The following SRGAP3 variants were observed in gnomAD, a reference collection of about 807,000 sequenced individuals.
The protein encoded by SRGAP3 is SLIT-ROBO Rho GTPase-activating protein 3.
In SRGAP3, 39 loss-of-function variants were observed where a neutral mutation model predicts 121.1. That is an observed-to-expected ratio of 0.32 (90% CI 0.25 to 0.42). The LOEUF (loss-of-function observed/expected upper bound fraction) is 0.42. Ranked by LOEUF, SRGAP3 falls within the 10% of genes least tolerant of loss-of-function variation. SRGAP3 has a pLI of 1.00. For synonymous variants in SRGAP3, 601 were observed against 570.0 expected, an observed-to-expected ratio of 1.05 and a Z score of -0.77; for missense variants, 1,213 against 1,470.6, an observed-to-expected ratio of 0.82 and a Z score of 2.86.
chr3:9,026,728 G>T (rs1184547321), intron 13 of SRGAP3, among the ~76,000 whole-genome samples: 1 of 152,112 alleles, frequency 6.6e-6, no homozygotes, highest in Non-Finnish European at 1.5e-5. Context: ...CTAGGTCTTG[G>T]ATCCTCTCAC....
At chr3:9,334,284 C>T (rs992901683) in intron 1 of SRGAP3, among the ~76,000 whole-genome samples, 9 of 152,056 alleles carry the variant, frequency 5.9e-5, no homozygotes, top group African/African-American at 2.2e-4. Context: ...ATTCAATCAT[C>T]ATTTATTCAG....
chr3:9,186,513 G>A (rs1280938311), intron 1 of SRGAP3, among the ~76,000 whole-genome samples: 4 of 152,134 alleles, frequency 2.6e-5, no homozygotes, highest in African/African-American at 9.7e-5. Flanking sequence ...CACATGCTAA[G>A]GACTACCATA....
chr3:9,362,065 T>C (rs919410335), intron 1 of SRGAP3, among the ~76,000 whole-genome samples: 5 of 152,024 alleles, frequency 3.3e-5, no homozygotes, highest in Admixed American at 1.3e-4. Context: ...CATAAATCCC[T>C]GTCTTATTCT....
chr3:9,194,955 T>C (rs1435139267), intron 1 of SRGAP3, among the ~76,000 whole-genome samples: 1 of 152,188 alleles, frequency 6.6e-6, no homozygotes, highest in Non-Finnish European at 1.5e-5. Context: ...ACCCAGCTGA[T>C]GAGGGAGATT....
intron 3 of SRGAP3, among the ~76,000 whole-genome samples, chr3:9,277,371 G>A (rs566953641): frequency 6.6e-6 from 1 of 151,810 alleles, no homozygotes; most frequent in African/African-American, 2.4e-5. Flanking sequence ...AGGCCAAGGC[G>A]AGCAGATCAC....
In SRGAP3 at chr3:8,983,607, A is replaced by G. The variant is rs939765389; in HGVS notation, c.*1912T>C. 1.7e-5 allele frequency: 4 copies of G among 231,534 alleles called. No homozygotes were observed. In the South Asian group the frequency reaches 5.4e-4, roughly 32 times the overall value. 14.3% of individuals were successfully genotyped at this position (231,534 alleles called of 1,614,324 possible). ...CCAGGGCTCTTATTAGGATGGCAGG[A>G]AAATTCCACTGCTCACTTCTGAAAT... On this transcript the variant is annotated 3_prime_UTR_variant, in exon 22 of 22. Transcript: ENST00000383836.
chr3:9,037,049 A>T (rs1944780637), intron 11 of SRGAP3: 1 of 152,086 alleles, frequency 6.6e-6, no homozygotes, highest in African/African-American at 2.4e-5. Flanking sequence ...GGTTGCCAAG[A>T]CTTTGCCCAA....
chr3:9,336,577 G>A (rs1415836595), intron 1 of SRGAP3, among the ~76,000 whole-genome samples: 1 of 152,062 alleles, frequency 6.6e-6, no homozygotes, highest in East Asian at 1.9e-4. Flanking sequence ...AAGAGAGCAC[G>A]ATGGGTAGAA....
intron 3 of SRGAP3, among the ~76,000 whole-genome samples, chr3:9,299,359 C>CAA (rs35608018): frequency 3.6e-4 from 33 of 91,242 alleles, no homozygotes; most frequent in African/African-American, 1.3e-3. Flanking sequence ...GACTCCGTCC[C>CAA]AAAAAAAAAA....
In SRGAP3 at chr3:9,053,152, C is replaced by A. The variant is rs748903651; in HGVS notation, c.1198G>T (p.Asp400Tyr). Residue 400 changes from aspartate (D) to tyrosine (Y), a missense_variant, in exon 9 of 22, where the codon GAT becomes TAT. This residue lies in a region of SRGAP3 where 793 missense variants were observed against 1,032.9 expected (regional missense o/e 0.77). Coordinates refer to ENST00000383836, the MANE Select transcript of SRGAP3 (RefSeq NM_014850.4). ...MLTVEDFDVSDAFQHSRSTES... is the reference protein window; with the variant it reads ...MLTVEDFDVSYAFQHSRSTES... ...GTCGATCGACTGTGTTGGAAGGCAT[C>A]GGAGACATCAAAGTCCTCCACAGTC... 1 of 1,614,176 alleles carries A rather than the reference C, an allele frequency of 6.2e-7. No homozygotes were observed. Among genetic ancestry groups the A allele is most frequent in the East Asian group, 2.2e-5 (1 of 44,878 alleles).
intron 2 of SRGAP3, 104 bp from the exon 3 acceptor site, chr3:9,104,946 T>G: frequency 7.3e-7 from 1 of 1,378,114 alleles, no homozygotes. Context: ...CGGTGCCCCT[T>G]CAAGGTCAGT....
chr3:8,996,877 G>A (rs1458663826), intron 18 of SRGAP3, among the ~76,000 whole-genome samples: 1 of 152,202 alleles, frequency 6.6e-6, no homozygotes, highest in Non-Finnish European at 1.5e-5. Flanking sequence ...CCTAAGCAGA[G>A]GTTTTCTGAT....
At position 9,109,151 on chromosome 3, in the gene SRGAP3, G is replaced by C. The variant is rs1477827203; in HGVS notation, c.261-4309C>G. On this transcript the variant is annotated intron_variant, in intron 2 of 21. Coordinates refer to ENST00000383836, the MANE Select transcript of SRGAP3 (RefSeq NM_014850.4). The surrounding 1 kb of genome is among the most constrained non-coding windows in gnomAD (Gnocchi z 4.4). ...AGCTGTTACCTAAATTACTTCAGGG[G>C]CTTAGCTGAACCTGGGAGGCAAGAA... 1.3e-5 allele frequency among the ~76,000 whole-genome samples: 2 copies of C among 152,278 alleles called. No individual in the cohort carries two copies. The highest frequency in any genetic ancestry group is 4.1e-4 in the South Asian group (2 of 4,824).
At chr3:9,155,746 A>C (rs1016654416) in intron 1 of SRGAP3, among the ~76,000 whole-genome samples, 1 of 152,120 alleles carries the variant, frequency 6.6e-6, no homozygotes, top group African/African-American at 2.4e-5. Context: ...GATTCTTTTT[A>C]TATCCGGTGT....
intron 2 of SRGAP3, among the ~76,000 whole-genome samples, chr3:9,328,781 C>T (rs1437568191): frequency 6.6e-6 from 1 of 152,228 alleles, no homozygotes; most frequent in Admixed American, 6.5e-5. Flanking sequence ...TACCGAGCTA[C>T]AGCGTGGGGT....
chr3:9,254,211 A>G (rs2125252579), upstream of SRGAP3, among the ~76,000 whole-genome samples: 1 of 152,360 alleles, frequency 6.6e-6, no homozygotes, highest in Middle Eastern at 3.4e-3. Flanking sequence ...TGTTGTTTGA[A>G]TGAATGGATA....
chr3:9,040,080 C>T (rs1250131271), intron 10 of SRGAP3, among the ~76,000 whole-genome samples: 1 of 152,230 alleles, frequency 6.6e-6, no homozygotes, highest in Non-Finnish European at 1.5e-5. Context: ...GTCCACTTCT[C>T]TCCACTTAAC....
chr3:9,002,713 TGA>T (rs560870395), intron 18 of SRGAP3, among the ~76,000 whole-genome samples: 58 of 151,570 alleles, frequency 3.8e-4, no homozygotes, highest in Admixed American at 1.1e-3. Context: ...CAAGAAAACA[TGA>T]GAGAGGATTC....
chr3:9,241,964 G>A (rs1362868278), intron 1 of SRGAP3, among the ~76,000 whole-genome samples: 2 of 151,516 alleles, frequency 1.3e-5, no homozygotes, highest in Non-Finnish European at 2.9e-5. Flanking sequence ...TATAGTCCCA[G>A]CTACTCGGGA....
Sources: allele counts gnomAD v4.1 joint callset (sites outside exome capture counted in the v4.1 genomes callset), GRCh38; gene constraint gnomAD v4.1.1; regional missense constraint gnomAD v4.1.1; non-coding constraint Gnocchi (gnomAD v3.1); transcripts MANE v1.5; gene names NCBI Gene and HGNC (gene_info 2026-07-23, HGNC 2026-07-21).